Variants in CLVS1 observed in about 807,000 individuals in gnomAD.
The protein encoded by CLVS1 is clavesin 1, also known as clavesin-1.
In CLVS1, 10 loss-of-function variants were observed where a neutral mutation model predicts 33.1. The observed-to-expected ratio is 0.30, with a 90% CI of 0.19 to 0.51. The LOEUF (loss-of-function observed/expected upper bound fraction) is 0.51, where lower values mean the gene tolerates loss of function less well. Among genes scored for constraint, CLVS1 ranks in the 20% least tolerant of loss-of-function variants. CLVS1 has a pLI of 0.97. For missense variants in CLVS1, 343 were observed against 433.4 expected (o/e 0.79, Z 1.85); for synonymous variants, 163 against 166.1 (o/e 0.98, Z 0.14).
intron 2 of CLVS1, among the ~76,000 whole-genome samples, chr8:61,231,928 G>A (rs1808440366): frequency 6.6e-6 from 1 of 151,640 alleles, no homozygotes; most frequent in South Asian, 2.1e-4. Context: ...TGGGCACAGT[G>A]CCCTCTATGC....
At chr8:61,226,234 A>G (rs1808326723) in intron 2 of CLVS1, among the ~76,000 whole-genome samples, 1 of 152,224 alleles carries the variant, frequency 6.6e-6, no homozygotes. Flanking sequence ...AAAAAAGCAC[A>G]AGCTGGTCAT....
chr8:61,201,682 T>C (rs1327550573), intron 2 of CLVS1, among the ~76,000 whole-genome samples: 1 of 152,158 alleles, frequency 6.6e-6, no homozygotes, highest in Non-Finnish European at 1.5e-5. Context: ...TTACATTTAT[T>C]GCCCTTTATT....
intron 1 of CLVS1, among the ~76,000 whole-genome samples, chr8:61,084,375 C>A (rs774019826): frequency 1.3e-5 from 2 of 152,122 alleles, no homozygotes; most frequent in Non-Finnish European, 2.9e-5. Context: ...AGTTCTCAAC[C>A]AGGGGTGATT....
At chr8:61,370,004 A>G (rs1813367067) in intron 2 of CLVS1, among the ~76,000 whole-genome samples, 1 of 152,192 alleles carries the variant, frequency 6.6e-6, no homozygotes, top group African/African-American at 2.4e-5. Context: ...TTCAAATGAG[A>G]TGAAGAGAGG....
intron 2 of CLVS1, among the ~76,000 whole-genome samples, chr8:61,234,121 T>A (rs762876177): frequency 3.3e-5 from 5 of 152,104 alleles, no homozygotes; most frequent in Non-Finnish European, 5.9e-5. Context: ...GGGGGCCAGC[T>A]TCCTGGTAAA....
the CLVS1 span, among the ~76,000 whole-genome samples, chr8:60,974,493 C>T: frequency 6.6e-6 from 1 of 152,194 alleles, no homozygotes; most frequent in Non-Finnish European, 1.5e-5. Flanking sequence ...ACATTGACTT[C>T]CTCAAAGTTT....
chr8:61,476,642 G>A lies in CLVS1; in HGVS notation c.977+18100G>A, dbSNP rs558122761. Reference sequence around the variant, plus strand: ...AGAATGCTTGTGATTTTTGCACATTGACTTTGTATCCTGAGACTTTGCTGA... The same window carrying A: ...AGAATGCTTGTGATTTTTGCACATTAACTTTGTATCCTGAGACTTTGCTGA... On this transcript the variant is annotated intron_variant, in intron 5 of 5. Coordinates refer to ENST00000325897, the MANE Select transcript of CLVS1 (RefSeq NM_173519.3). 2.0e-5 allele frequency among the ~76,000 whole-genome samples: 3 copies of A among 152,276 alleles called. No homozygotes were observed. In the South Asian group the frequency reaches 6.2e-4, roughly 32 times the overall value.
chr8:61,219,975 TG>T (rs1386387939), intron 2 of CLVS1, among the ~76,000 whole-genome samples: 1 of 152,230 alleles, frequency 6.6e-6, no homozygotes, highest in Non-Finnish European at 1.5e-5. Context: ...TCATATCCTT[TG>T]CCCACTTTTT....
intron 2 of CLVS1, among the ~76,000 whole-genome samples, chr8:61,261,751 G>T (rs1479890515): frequency 2.0e-5 from 3 of 152,146 alleles, no homozygotes; most frequent in Non-Finnish European, 4.4e-5. Flanking sequence ...ACCTGAATCT[G>T]CTGATGTCTT....
At chr8:61,480,106 A>C (rs2129608129) in intron 5 of CLVS1, among the ~76,000 whole-genome samples, 1 of 152,306 alleles carries the variant, frequency 6.6e-6, no homozygotes, top group South Asian at 2.1e-4. Flanking sequence ...ACTCTCTTCA[A>C]AGCTGTCAGA....
chr8:61,002,479 C>T, the CLVS1 span, among the ~76,000 whole-genome samples: 1 of 151,934 alleles, frequency 6.6e-6, no homozygotes, highest in South Asian at 2.1e-4. Context: ...CAGGTGCCTG[C>T]CACCATGCCC....
At chr8:61,236,130 C>T (rs1265261159) in intron 2 of CLVS1, among the ~76,000 whole-genome samples, 1 of 152,176 alleles carries the variant, frequency 6.6e-6, no homozygotes, top group African/African-American at 2.4e-5. Context: ...AGCTTCCTTC[C>T]ATTCATCTTG....
intron 2 of CLVS1, among the ~76,000 whole-genome samples, chr8:61,361,213 A>G (rs1476121036): frequency 6.6e-6 from 1 of 152,226 alleles, no homozygotes; most frequent in Non-Finnish European, 1.5e-5. Context: ...CCCACCTCCA[A>G]CAATTGGGAT....
At chr8:61,387,995 A>T (rs1814154718) in intron 3 of CLVS1, among the ~76,000 whole-genome samples, 1 of 152,086 alleles carries the variant, frequency 6.6e-6, no homozygotes, top group Non-Finnish European at 1.5e-5. Flanking sequence ...GATACCGAGG[A>T]GGGGGATTGC....
intron 2 of CLVS1, among the ~76,000 whole-genome samples, chr8:61,262,923 A>G (rs1809235789): frequency 1.3e-5 from 2 of 152,118 alleles, no homozygotes; most frequent in South Asian, 2.1e-4. Context: ...ACTAGAACTG[A>G]GGGTTGTTGG....
At chr8:61,432,318 AC>A (rs1225206480) in intron 3 of CLVS1, among the ~76,000 whole-genome samples, 4 of 151,960 alleles carry the variant, frequency 2.6e-5, no homozygotes, top group Non-Finnish European at 4.4e-5. Context: ...ACGAATTGTT[AC>A]CCCCCAAATT....
intron 1 of CLVS1, among the ~76,000 whole-genome samples, chr8:61,120,747 C>T (rs1402275719): frequency 1.0e-4 from 15 of 143,580 alleles, no homozygotes; most frequent in African/African-American, 2.9e-4. Flanking sequence ...TCTCCAGCTG[C>T]GTGCTGGGAG....
rs1813660831 is a variant in CLVS1 at position 61,376,760 on chromosome 8, T to A, written c.611T>A (p.Leu204Gln). Residue 204 changes from leucine (L) to glutamine (Q), a missense_variant, in exon 3 of 6, where the codon CTG becomes CAG. By Grantham distance (113) the Leu-to-Gln change is moderately radical. Coordinates refer to ENST00000325897, the MANE Select transcript of CLVS1 (RefSeq NM_173519.3). ...ASKLTPSILK[L>Q]AIEGLQDSFP... ...AAACTGACACCTTCAATCCTTAAAC[T>A]GGCCATTGAAGGGTTGCAGGTATGT... The A allele has an allele frequency of 3.1e-6, 5 of 1,613,944 alleles. No homozygotes were observed. The highest frequency in any genetic ancestry group is 4.2e-6 in the Non-Finnish European group (5 of 1,179,938).
At chr8:61,444,291 C>T (rs988331291) in intron 3 of CLVS1, among the ~76,000 whole-genome samples, 1 of 152,156 alleles carries the variant, frequency 6.6e-6, no homozygotes, top group African/African-American at 2.4e-5. Flanking sequence ...AGATCAGATA[C>T]ACTTGTCTTG....
Sources: gnomAD v4.1 joint callset for allele counts (sites outside exome capture counted in the v4.1 genomes callset) on GRCh38, gnomAD v4.1.1 for gene constraint, MANE v1.5 for transcripts, NCBI Gene and HGNC (gene_info 2026-07-23, HGNC 2026-07-21) for gene names.